Variants in C9orf43 observed in about 807,000 individuals in gnomAD.
C9orf43 encodes the protein chromosome 9 open reading frame 43.
In C9orf43, 45 loss-of-function variants were observed where a neutral mutation model predicts 59.1. The observed-to-expected ratio is 0.76, with a 90% CI of 0.60 to 0.98. C9orf43 has a LOEUF of 0.98. Ranked by LOEUF, C9orf43 falls within the 50% of genes least tolerant of loss-of-function variation. The probability of loss-of-function intolerance (pLI) is 0.00; values close to 1 mark genes in which losing one functional copy is unlikely to be tolerated. For synonymous variants in C9orf43, 203 were observed against 196.8 expected, an observed-to-expected ratio of 1.03 and a Z score of -0.26; for missense variants, 533 against 554.9, an observed-to-expected ratio of 0.96 and a Z score of 0.40.
In C9orf43 at chr9:113,425,112, A is replaced by T; in HGVS notation, c.865+36A>T. ...TGTTGCTGCTGGATCTCTAAGCACC[A>T]TTTTCTGTTAGCCCACATTTCTCAT... On this transcript the variant is annotated intron_variant, in intron 9 of 13. Transcript: ENST00000374165. The T allele has an allele frequency of 3.1e-6, 5 of 1,595,002 alleles. No individual in the cohort carries two copies. In the South Asian group the frequency reaches 5.5e-5, roughly 18 times the overall value.
At chr9:113,424,131 T>C (rs374079843) in intron 7 of C9orf43, 35 bp from the exon 8 acceptor site, 10 of 1,552,060 alleles carry the variant, frequency 6.4e-6, no homozygotes, top group Non-Finnish European at 8.7e-6. Flanking sequence ...GGAAGAGCTG[T>C]TGCTGACTGT....
At position 113,425,623 on chromosome 9, in the gene C9orf43, C is replaced by G. The variant is rs747577139; in HGVS notation, c.943-20C>G. On this transcript the variant is annotated intron_variant, in intron 10 of 13. Transcript: ENST00000374165. ...TTACTTCCAAAAATCCTAATTTGTTCCTCCTGATGTGGGTTTCAGGAGGCT... is the reference window on the plus strand; with the variant it reads ...TTACTTCCAAAAATCCTAATTTGTTGCTCCTGATGTGGGTTTCAGGAGGCT... 1 of 1,602,386 alleles carries G rather than the reference C, an allele frequency of 6.2e-7. No individual in the cohort carries two copies. The highest frequency in any genetic ancestry group is 1.8e-5 in the Admixed American group (1 of 57,022).
intron 8 of C9orf43, 129 bp from the exon 9 acceptor site, chr9:113,424,890 C>A: frequency 1.3e-6 from 1 of 744,116 alleles, no homozygotes; most frequent in Non-Finnish European, 2.2e-6. Flanking sequence ...GCCCCTGGTA[C>A]AATGCTGCAA....
rs755255430 is a variant in C9orf43, at chr9:113,413,846, A to G, written c.239A>G (p.His80Arg). ...HLPECTFTKAHSLLSQSSKFY... is the reference protein window; with the variant it reads ...HLPECTFTKARSLLSQSSKFY... The stretch of plus-strand genomic sequence containing the variant: ...CCAGAATGTACCTTTACTAAGGCCC[A>G]TTCTTTATTGTCTCAGAGTTCAAAG... Residue 80 changes from histidine (H) to arginine (R), a missense_variant, in exon 3 of 14, where the codon CAT becomes CGT. His to Arg is a conservative substitution (Grantham distance 29). Transcript: ENST00000374165. 7 of 1,613,636 alleles carry G rather than the reference A, an allele frequency of 4.3e-6. No homozygotes were observed. In the Admixed American group the frequency reaches 5.0e-5, roughly 12 times the overall value.
At chr9:113,425,582 T>C in intron 10 of C9orf43, 61 bp from the exon 11 acceptor site, 1 of 1,565,378 alleles carries the variant, frequency 6.4e-7, no homozygotes, top group Non-Finnish European at 8.7e-7. Context: ...GATATTCCTT[T>C]TGAAAAAAGT....
intron 11 of C9orf43, among the ~76,000 whole-genome samples, chr9:113,426,880 G>A (rs768601741): frequency 6.6e-5 from 10 of 152,204 alleles, no homozygotes; most frequent in Non-Finnish European, 1.0e-4. Flanking sequence ...AGGCTTTATG[G>A]AAGAGATGAT....
In C9orf43 at chr9:113,421,196, C is replaced by A; in HGVS notation, c.439C>A (p.His147Asn). 1 of 1,604,688 alleles carries A rather than the reference C, an allele frequency of 6.2e-7. No individual in the cohort carries two copies. Among genetic ancestry groups the A allele is most frequent in the Non-Finnish European group, 8.5e-7 (1 of 1,171,726 alleles). The change falls in exon 5 of 14, where the codon CAT (histidine) becomes AAT (asparagine). Residue 147 changes from histidine to asparagine, a missense_variant. Physicochemically the swap from His to Asn is moderately conservative, Grantham distance 68 (BLOSUM62 1). Transcript: ENST00000374165. ...VLWIPEETEI[H>N]VSQHGKKKRK... ...GTGGATCCCAGAAGAAACAGAGATA[C>A]ATGTGAGGTGAGTATCATATCTGGA...
At chr9:113,422,158 A>G (rs577497391) in intron 5 of C9orf43, among the ~76,000 whole-genome samples, 3 of 152,374 alleles carry the variant, frequency 2.0e-5, no homozygotes, top group African/African-American at 7.2e-5. Flanking sequence ...GTGAGGATTT[A>G]GTGAACCAAA....
intron 3 of C9orf43, among the ~76,000 whole-genome samples, chr9:113,416,189 GC>G (rs1828351240): frequency 6.6e-6 from 1 of 152,168 alleles, no homozygotes; most frequent in East Asian, 1.9e-4. Flanking sequence ...TGGTTTCCCT[GC>G]CTTTTCTCCT....
intron 1 of C9orf43, among the ~76,000 whole-genome samples, chr9:113,413,098 A>G (rs1212534875): frequency 6.6e-6 from 1 of 152,252 alleles, no homozygotes; most frequent in African/African-American, 2.4e-5. Context: ...TTGGAACAAT[A>G]TGCCAGGCTT....
chr9:113,414,437 G>A (rs1292894797), intron 3 of C9orf43, among the ~76,000 whole-genome samples: 1 of 151,484 alleles, frequency 6.6e-6, no homozygotes, highest in Admixed American at 6.6e-5. Context: ...ACCACGCCTG[G>A]TTAATTTTTT....
In C9orf43 at chr9:113,410,879, T is replaced by A; in HGVS notation, c.-172T>A. On this transcript the variant is annotated 5_prime_UTR_variant, in exon 1 of 14. Transcript: ENST00000374165. Reference sequence around the variant, plus strand: ...TTTGCTCTCACAGGACCTCAGCCCGTCGTGATCAGATTCTCCCACTTTCTT... The same window carrying A: ...TTTGCTCTCACAGGACCTCAGCCCGACGTGATCAGATTCTCCCACTTTCTT... 2.2e-6 allele frequency: 2 copies of A among 922,348 alleles called. No individual in the cohort carries two copies. Among genetic ancestry groups the A allele is most frequent in the Non-Finnish European group, 2.6e-6 (2 of 771,538 alleles). 57.1% of individuals were successfully genotyped at this position (922,348 alleles called of 1,614,324 possible).
chr9:113,413,677 G>A (rs1385807724), intron 2 of C9orf43, 33 bp downstream of exon 2: 4 of 1,612,520 alleles, frequency 2.5e-6, no homozygotes, highest in South Asian at 2.2e-5. Flanking sequence ...TCTCCCTCAC[G>A]AGGTCCTTAA....
intron 3 of C9orf43, among the ~76,000 whole-genome samples, chr9:113,417,125 A>G (rs941977482): frequency 1.3e-5 from 2 of 152,200 alleles, no homozygotes; most frequent in Non-Finnish European, 2.9e-5. Flanking sequence ...AGCAGGGACC[A>G]TATGTTTCTT....
chr9:113,429,589 A>C lies in C9orf43; in HGVS notation c.*203A>C. On this transcript the variant is annotated 3_prime_UTR_variant, in exon 14 of 14. Coordinates refer to ENST00000374165, the MANE Select transcript of C9orf43 (RefSeq NM_001278629.2). ...TCACCTCTACTTGCCTCTAAAATAA[A>C]TGTAGGAGAAAAATCCCCAGCCTTT... 1 of 514,184 alleles carries C rather than the reference A, an allele frequency of 1.9e-6. No homozygotes were observed. The highest frequency in any genetic ancestry group is 3.4e-6 in the Non-Finnish European group (1 of 292,168). 31.9% of individuals were successfully genotyped at this position (514,184 alleles called of 1,614,324 possible).
At chr9:113,426,074 G>A (rs1391437452) in intron 11 of C9orf43, among the ~76,000 whole-genome samples, 1 of 152,168 alleles carries the variant, frequency 6.6e-6, no homozygotes, top group Non-Finnish European at 1.5e-5. Flanking sequence ...AGAAAACCCT[G>A]AGGGCCCATT....
At position 113,413,467 on chromosome 9, in the gene C9orf43, G is replaced by A; in HGVS notation, c.-27G>A. ...CAGAGCACTAGAATGCTGCAGGGTTGGCCTTTGGCCTAAACCATTTCTAGC... is the reference window on the plus strand; with the variant it reads ...CAGAGCACTAGAATGCTGCAGGGTTAGCCTTTGGCCTAAACCATTTCTAGC... On this transcript the variant is annotated 5_prime_UTR_variant, in exon 2 of 14. An upstream open reading frame in the 5' UTR gains an earlier in-frame stop. Transcript: ENST00000374165. The A allele has an allele frequency of 6.2e-7, 1 of 1,600,732 alleles. No individual in the cohort carries two copies. Among genetic ancestry groups the A allele is most frequent in the Non-Finnish European group, 8.6e-7 (1 of 1,169,270 alleles).
At chr9:113,411,272 A>C (rs1021911542) in intron 1 of C9orf43, 5 of 315,536 alleles carry the variant, frequency 1.6e-5, no homozygotes, top group Non-Finnish European at 2.3e-5. Flanking sequence ...TTCCAGTTAA[A>C]ACCATTCTCA....
In C9orf43 at chr9:113,422,587, T is replaced by G. The variant is rs755790072; in HGVS notation, c.483+2T>G. On this transcript the variant is annotated splice_donor_variant, in intron 6 of 13. Transcript: ENST00000374165. LOFTEE classifies it high-confidence loss of function. ...AAGAAAAGAAAGAACTCGGCAGTGGTGAGTTTGATGTTTTTGTGCAAACCT... is the reference window on the plus strand; with the variant it reads ...AAGAAAAGAAAGAACTCGGCAGTGGGGAGTTTGATGTTTTTGTGCAAACCT... The G allele has an allele frequency of 3.7e-6, 6 of 1,613,770 alleles. No homozygotes were observed. The highest frequency in any genetic ancestry group is 5.1e-6 in the Non-Finnish European group (6 of 1,179,920).
Sources: allele counts gnomAD v4.1 joint callset (sites outside exome capture counted in the v4.1 genomes callset), GRCh38; gene constraint gnomAD v4.1.1; transcripts MANE v1.5; gene names NCBI Gene and HGNC (gene_info 2026-07-23, HGNC 2026-07-21).